Variants in CSMD1 observed in about 807,000 individuals in gnomAD.
CSMD1 encodes the protein CUB and Sushi multiple domains 1.
In CSMD1, 213 loss-of-function variants were observed where a neutral mutation model predicts 417.5. That is an observed-to-expected ratio of 0.51 (90% CI 0.46 to 0.57). The LOEUF is 0.57. CSMD1 is among the 20% of genes least tolerant of loss of function. The probability of loss-of-function intolerance (pLI) is 0.00; values close to 1 mark genes in which losing one functional copy is unlikely to be tolerated. For missense variants in CSMD1, 6,923 were observed against 4,529.7 expected (o/e 1.53, Z -15.17); for synonymous variants, 2,862 against 1,736.8 (o/e 1.65, Z -16.11).
intron 5 of CSMD1, among the ~76,000 whole-genome samples, chr8:3,927,664 A>T (rs1809839995): frequency 6.6e-6 from 1 of 152,110 alleles, no homozygotes; most frequent in African/African-American, 2.4e-5. Flanking sequence ...AACAAGTGAA[A>T]CTTCATCTCA....
intron 1 of CSMD1, among the ~76,000 whole-genome samples, chr8:4,890,929 G>A (rs888884630): frequency 2.2e-4 from 34 of 152,214 alleles, no homozygotes; most frequent in African/African-American, 8.2e-4. Context: ...CTGGGGAAAC[G>A]CAAAGGCAGA....
At position 3,639,630 on chromosome 8, in the gene CSMD1, AT is replaced by A. The variant is rs1280760973; in HGVS notation, c.1010-22834del. Among the ~76,000 whole-genome samples, 5 of 152,340 alleles carry A rather than the reference AT, an allele frequency of 3.3e-5. No homozygotes were observed. In the East Asian group the frequency reaches 9.7e-4, roughly 29 times the overall value. The stretch of plus-strand genomic sequence containing the variant: ...AATCAATTAATGATTCTAAATCCCA[AT>A]TCCCTCATTTGAACACTGTATCAAA... On this transcript the variant is annotated intron_variant, in intron 7 of 69. Transcript: ENST00000635120.
intron 1 of CSMD1, among the ~76,000 whole-genome samples, chr8:4,955,547 C>T (rs1809042822): frequency 6.6e-6 from 1 of 151,944 alleles, no homozygotes; most frequent in Non-Finnish European, 1.5e-5. Context: ...CCTCCGCCTC[C>T]TGGGTTCAAG....
chr8:3,349,918 ATAT>A (rs1423618548), intron 21 of CSMD1, among the ~76,000 whole-genome samples: 7 of 143,466 alleles, frequency 4.9e-5, no homozygotes, highest in South Asian at 2.1e-4. Flanking sequence ...ATATATTTAT[ATAT>A]TATATTATAT....
chr8:3,828,565 C>T lies in CSMD1; in HGVS notation c.819-74523G>A, dbSNP rs186019042. ...CCTTCTTGTGTCTTACAGAACTTGT[C>T]GTATTGACTCTCTCTGCAAAGCATT... On this transcript the variant is annotated intron_variant, in intron 5 of 69. Coordinates refer to ENST00000635120, the MANE Select transcript of CSMD1 (RefSeq NM_033225.6). Among the ~76,000 whole-genome samples the T allele has an allele frequency of 7.9e-5, 12 of 152,262 alleles. No individual in the cohort carries two copies. In the East Asian group the frequency reaches 1.4e-3, roughly 17 times the overall value.
rs570270569 is a variant in CSMD1, at chr8:4,601,930, T to C, written c.302+35412A>G. Reference sequence around the variant, plus strand: ...AGTGTGAACAAGAAGGAATTCCTTGTGAAGCTTATACACAGGTGCTGGAGG... The same window carrying C: ...AGTGTGAACAAGAAGGAATTCCTTGCGAAGCTTATACACAGGTGCTGGAGG... On this transcript the variant is annotated intron_variant, in intron 2 of 69. Coordinates refer to ENST00000635120, the MANE Select transcript of CSMD1 (RefSeq NM_033225.6). Among the ~76,000 whole-genome samples, 4 of 152,240 alleles carry C rather than the reference T, an allele frequency of 2.6e-5. No homozygotes were observed. In the South Asian group the frequency reaches 8.3e-4, roughly 32 times the overall value.
chr8:4,550,779 C>G (rs986688188), intron 2 of CSMD1, among the ~76,000 whole-genome samples: 14 of 152,150 alleles, frequency 9.2e-5, no homozygotes, highest in African/African-American at 3.4e-4. Context: ...GCAGTTTAAT[C>G]ATCTTTATCA....
At chr8:3,147,870 G>C (rs1818934919) in intron 40 of CSMD1, among the ~76,000 whole-genome samples, 1 of 152,184 alleles carries the variant, frequency 6.6e-6, no homozygotes, top group African/African-American at 2.4e-5. Flanking sequence ...TACAGGAGGA[G>C]CTGGTTAACT....
intron 3 of CSMD1, among the ~76,000 whole-genome samples, chr8:4,328,718 G>A (rs1315655577): frequency 6.6e-6 from 1 of 152,028 alleles, no homozygotes; most frequent in Non-Finnish European, 1.5e-5. Context: ...CTATACTATG[G>A]CTATTTCTTT....
intron 3 of CSMD1, among the ~76,000 whole-genome samples, chr8:4,374,949 A>C (rs1461328804): frequency 4.8e-5 from 1 of 20,840 alleles, no homozygotes; most frequent in Non-Finnish European, 7.2e-5. Context: ...GATTAAACAG[A>C]CAAAGGTGGG....
chr8:3,834,244 C>G (rs890106543), intron 5 of CSMD1, among the ~76,000 whole-genome samples: 2 of 152,154 alleles, frequency 1.3e-5, no homozygotes, highest in East Asian at 3.9e-4. Flanking sequence ...AAGGCCCCCT[C>G]TGTCCATATA....
chr8:3,936,006 T>C (rs549021032), intron 5 of CSMD1, among the ~76,000 whole-genome samples: 6 of 152,050 alleles, frequency 3.9e-5, no homozygotes, highest in African/African-American at 1.4e-4. Flanking sequence ...ATGCAAATGA[T>C]AAGAAAGGAA....
At chr8:4,858,677 A>G (rs1257944411) in intron 1 of CSMD1, among the ~76,000 whole-genome samples, 1 of 151,344 alleles carries the variant, frequency 6.6e-6, no homozygotes, top group East Asian at 2.0e-4. Flanking sequence ...TGCTTCAAAG[A>G]GAATAAAATA....
At chr8:4,967,473 T>C (rs1204776857) in intron 1 of CSMD1, among the ~76,000 whole-genome samples, 3 of 152,170 alleles carry the variant, frequency 2.0e-5, no homozygotes, top group Admixed American at 6.6e-5. Flanking sequence ...AGTGAATATA[T>C]TAGGTGTTCT....
intron 5 of CSMD1, among the ~76,000 whole-genome samples, chr8:3,990,760 T>C (rs943677705): frequency 2.0e-5 from 3 of 152,134 alleles, no homozygotes; most frequent in Non-Finnish European, 4.4e-5. Flanking sequence ...GGGCACCTGC[T>C]GGTGAGTCCA....
chr8:4,585,805 C>A (rs979051907), intron 2 of CSMD1, among the ~76,000 whole-genome samples: 5 of 152,092 alleles, frequency 3.3e-5, no homozygotes, highest in Non-Finnish European at 7.4e-5. Flanking sequence ...TAAATTAAAT[C>A]TGAGTAAATA....
In CSMD1 at chr8:3,016,980, C is replaced by G. The variant is rs779000264; in HGVS notation, c.8029+1497G>C. 2.6e-5 allele frequency among the ~76,000 whole-genome samples: 4 copies of G among 152,118 alleles called. No homozygotes were observed. In the East Asian group the frequency reaches 7.7e-4, roughly 29 times the overall value. On this transcript the variant is annotated intron_variant, in intron 52 of 69. Coordinates refer to ENST00000635120, the MANE Select transcript of CSMD1 (RefSeq NM_033225.6). ...AGGGATCAATAATCCCCAAGCTGAC[C>G]CATCATTTAACAGTTATGTAAACTG...
At chr8:3,992,282 A>G (rs1172627460) in intron 5 of CSMD1, among the ~76,000 whole-genome samples, 1 of 152,070 alleles carries the variant, frequency 6.6e-6, no homozygotes, top group East Asian at 1.9e-4. Context: ...GCATAACTTG[A>G]CCCTTTTGCC....
rs556301511 is a variant in CSMD1, at chr8:4,250,616, T to C, written c.415+169337A>G. Reference sequence around the variant, plus strand: ...ATTATAATTGATAGGTCTACCAAAATAGTACAGCAGTTCCTTCCACACTGT... The same window carrying C: ...ATTATAATTGATAGGTCTACCAAAACAGTACAGCAGTTCCTTCCACACTGT... On this transcript the variant is annotated intron_variant, in intron 3 of 69. Coordinates refer to ENST00000635120, the MANE Select transcript of CSMD1 (RefSeq NM_033225.6). 1.9e-4 allele frequency among the ~76,000 whole-genome samples: 29 copies of C among 152,316 alleles called. 1 individual carries two copies. The South Asian group carries it at 3.3e-3, about 17-fold the overall frequency.
Sources: allele counts gnomAD v4.1 joint callset (sites outside exome capture counted in the v4.1 genomes callset), GRCh38; gene constraint gnomAD v4.1.1; transcripts MANE v1.5; gene names NCBI Gene and HGNC (gene_info 2026-07-23, HGNC 2026-07-21).